The following SEC22A variants were observed in gnomAD, a reference collection of about 807,000 sequenced individuals.
SEC22A encodes the protein SEC22 homolog A, vesicle trafficking protein.
A neutral mutation model predicts 35.3 loss-of-function variants in SEC22A; 22 were observed. The ratio of observed to expected loss-of-function variants is 0.62; its 90% CI spans 0.45 to 0.89. The LOEUF is 0.89. SEC22A is among the 40% of genes least tolerant of loss of function. The probability of loss-of-function intolerance (pLI) is 0.00; values close to 1 mark genes in which losing one functional copy is unlikely to be tolerated. For synonymous variants in SEC22A, 119 were observed against 129.5 expected (o/e 0.92, Z 0.55); for missense variants, 354 against 362.5 (o/e 0.98, Z 0.19).
Position 123,217,228 on chromosome 3 carries a change from C to A in SEC22A, c.183-6331C>A, listed in dbSNP as rs138718497. Among the ~76,000 whole-genome samples the A allele has an allele frequency of 1.9e-3, 281 of 150,460 alleles. 3 individuals carry two copies. Among genetic ancestry groups the A allele is most frequent in the African/African-American group, 6.5e-3 (267 of 40,934 alleles). ...ATTTTTTTTTTTTGAGATGGAGTCT[C>A]GCTCTGTCGCCCAGGCTGGAGTGCA... On this transcript the variant is annotated intron_variant, in intron 2 of 6. Transcript: ENST00000492595.
intron 4 of SEC22A, among the ~76,000 whole-genome samples, chr3:123,242,182 TTC>T (rs1471304436): frequency 6.6e-6 from 1 of 152,174 alleles, no homozygotes; most frequent in African/African-American, 2.4e-5. Context: ...CTTGGCCTGC[TTC>T]TTTCTTTGAC....
At chr3:123,230,977 A>T (rs1268399767) in intron 4 of SEC22A, among the ~76,000 whole-genome samples, 1 of 152,186 alleles carries the variant, frequency 6.6e-6, no homozygotes, top group Non-Finnish European at 1.5e-5. Context: ...CAAAGGATAA[A>T]AAAAGATAAA....
chr3:123,222,168 T>A (rs1212425951), intron 2 of SEC22A, among the ~76,000 whole-genome samples: 1 of 151,500 alleles, frequency 6.6e-6, no homozygotes. Context: ...TTTGGACTAG[T>A]GTTAGGTATT....
At chr3:123,236,312 G>A (rs974985576) in intron 4 of SEC22A, among the ~76,000 whole-genome samples, 7 of 152,142 alleles carry the variant, frequency 4.6e-5, no homozygotes, top group African/African-American at 1.4e-4. Context: ...CTGAGTACAT[G>A]TAGAAAAGCT....
At chr3:123,213,693 T>C (rs1449326235) in intron 2 of SEC22A, among the ~76,000 whole-genome samples, 1 of 152,216 alleles carries the variant, frequency 6.6e-6, no homozygotes, top group African/African-American at 2.4e-5. Context: ...TATACTATTT[T>C]TGATTCCTCA....
At chr3:123,262,564 G>A (rs1467994015) in intron 6 of SEC22A, among the ~76,000 whole-genome samples, 2 of 152,144 alleles carry the variant, frequency 1.3e-5, no homozygotes, top group African/African-American at 2.4e-5. Flanking sequence ...CTGGTTTTCA[G>A]CACACTATTC....
rs63124060 is a variant in SEC22A, at chr3:123,246,785, CTT to C, written c.657+777_657+778del. Among the ~76,000 whole-genome samples the C allele has an allele frequency of 7.6e-3, 1,163 of 152,222 alleles. 14 individuals are homozygous for C. Among genetic ancestry groups the C allele is most frequent in the African/African-American group, 0.026 (1,098 of 41,538 alleles). On this transcript the variant is annotated intron_variant, in intron 5 of 6. Coordinates refer to ENST00000492595, the MANE Select transcript of SEC22A (RefSeq NM_012430.5). ...CACTCTCACATTATGAATCAGTCCT[CTT>C]TTTTTGGTCAGCATTAAGTGCAGAA...
intron 6 of SEC22A, among the ~76,000 whole-genome samples, chr3:123,270,429 C>T (rs1488980441): frequency 1.3e-5 from 2 of 152,170 alleles, no homozygotes; most frequent in Admixed American, 6.5e-5. Flanking sequence ...CCTTCCCATT[C>T]TGAAGCCTGG....
chr3:123,269,390 A>G (rs1316113531), intron 6 of SEC22A, among the ~76,000 whole-genome samples: 1 of 152,148 alleles, frequency 6.6e-6, no homozygotes. Context: ...GAGATAAGAT[A>G]TTCACATAAT....
chr3:123,216,025 T>C (rs1937016043), intron 2 of SEC22A, among the ~76,000 whole-genome samples: 1 of 152,198 alleles, frequency 6.6e-6, no homozygotes, highest in Admixed American at 6.5e-5. Flanking sequence ...GGAGATAACC[T>C]GGGTATTCAA....
At chr3:123,229,621 T>G (rs1462064291) in intron 4 of SEC22A, among the ~76,000 whole-genome samples, 1 of 152,194 alleles carries the variant, frequency 6.6e-6, no homozygotes, top group African/African-American at 2.4e-5. Context: ...CCCAACACTT[T>G]GGGAGGCTGA....
At position 123,272,972 on chromosome 3, in the gene SEC22A, G is replaced by A. The variant is rs1486349771; in HGVS notation, c.*1250G>A. 6.5e-6 allele frequency: 1 copy of A among 153,772 alleles called. No individual in the cohort carries two copies. The highest frequency in any genetic ancestry group is 1.5e-5 in the Non-Finnish European group (1 of 68,032). The allele number at this position is 153,772 out of a possible 1,614,324, so 9.5% of individuals were successfully genotyped here. On this transcript the variant is annotated 3_prime_UTR_variant, in exon 7 of 7. Coordinates refer to ENST00000492595, the MANE Select transcript of SEC22A (RefSeq NM_012430.5). The stretch of plus-strand genomic sequence containing the variant: ...TAACGTTTTAAAGATTGTTTAAGCA[G>A]TTATGAATTAATAATATAGGAAGCA...
intron 1 of SEC22A, among the ~76,000 whole-genome samples, chr3:123,203,093 C>A (rs6438782): frequency 0.34 from 30,454 of 90,220 alleles, 5,465 homozygotes; most frequent in Non-Finnish European, 0.42. Context: ...TTTTTGCGTG[C>A]AACTGGTTAA....
Position 123,223,569 on chromosome 3 carries a change from T to TCA in SEC22A, c.194_195insAC (p.Gly67TrpfsTer3), listed in dbSNP as rs776470884. ...TTTTTTACACTGTAGTTTTATTAGC[T>TCA]CTCTGGGAGTGAGCTACATGATGTT... On this transcript the variant is annotated frameshift_variant, in exon 3 of 7. Coordinates refer to ENST00000492595, the MANE Select transcript of SEC22A (RefSeq NM_012430.5). LOFTEE classifies it high-confidence loss of function. 73 of 1,611,226 alleles carry TCA rather than the reference T, an allele frequency of 4.5e-5. No individual in the cohort carries two copies.
intron 4 of SEC22A, among the ~76,000 whole-genome samples, chr3:123,242,047 A>G (rs1559759162): frequency 2.0e-5 from 3 of 151,764 alleles, no homozygotes; most frequent in Admixed American, 6.6e-5. Context: ...GCCTATCTAT[A>G]GGCACTGTTA....
chr3:123,245,075 T>C (rs16834109), intron 4 of SEC22A, among the ~76,000 whole-genome samples: 1,916 of 152,262 alleles, frequency 0.013, 39 homozygotes, highest in African/African-American at 0.045. Flanking sequence ...GCTATAAGAC[T>C]CCATTCTGTT....
intron 2 of SEC22A, among the ~76,000 whole-genome samples, chr3:123,223,301 A>G (rs961873012): frequency 6.6e-6 from 1 of 152,196 alleles, no homozygotes; most frequent in Non-Finnish European, 1.5e-5. Context: ...TTTTACCCCA[A>G]GTGATAACTG....
intron 4 of SEC22A, among the ~76,000 whole-genome samples, chr3:123,230,504 A>G (rs1937302047): frequency 6.6e-6 from 1 of 152,126 alleles, no homozygotes; most frequent in African/African-American, 2.4e-5. Context: ...ATTGATATGT[A>G]TAACAGCAAT....
intron 6 of SEC22A, 149 bp downstream of exon 6, chr3:123,259,738 T>C (rs1002470713): frequency 3.2e-5 from 21 of 652,562 alleles, no homozygotes; most frequent in Middle Eastern, 4.1e-4. Context: ...TTGTGACCTA[T>C]GTCTCCATTT....
Sources: allele counts gnomAD v4.1 joint callset (sites outside exome capture counted in the v4.1 genomes callset), GRCh38; gene constraint gnomAD v4.1.1; transcripts MANE v1.5; gene names NCBI Gene and HGNC (gene_info 2026-07-23, HGNC 2026-07-21).